Variants in EHBP1 observed in about 807,000 individuals in gnomAD.
The protein encoded by EHBP1 is EH domain binding protein 1.
A neutral mutation model predicts 144.0 loss-of-function variants in EHBP1; 55 were observed. That is an observed-to-expected ratio of 0.38 (90% CI 0.31 to 0.48). The LOEUF (loss-of-function observed/expected upper bound fraction) is 0.48. EHBP1 is among the 20% of genes least tolerant of loss of function. The pLI is 0.98. For synonymous variants in EHBP1, 469 were observed against 472.7 expected, an observed-to-expected ratio of 0.99 and a Z score of 0.10; for missense variants, 1,200 against 1,364.2, an observed-to-expected ratio of 0.88 and a Z score of 1.90.
At chr2:62,674,106 C>T (rs1415237177) in intron 1 of EHBP1, 2 of 471,066 alleles carry the variant, frequency 4.2e-6, no homozygotes, top group Non-Finnish European at 8.8e-6. Flanking sequence ...AGGCCACAAG[C>T]ATCCTCCTAA....
chr2:62,852,507 A>G lies in EHBP1; in HGVS notation c.635-6662A>G, dbSNP rs183737156. 3.4e-3 allele frequency among the ~76,000 whole-genome samples: 517 copies of G among 152,162 alleles called. 1 individual carries two copies. The highest frequency in any genetic ancestry group is 5.6e-3 in the Non-Finnish European group (377 of 67,918). On this transcript the variant is annotated intron_variant, in intron 7 of 22. Coordinates refer to ENST00000431489, the MANE Select transcript of EHBP1 (RefSeq NM_001142616.3). ...TAAATAATACTAATATACATGATAAAATGTGAATAATAATTCTTTTTTGAT... is the reference window on the plus strand; with the variant it reads ...TAAATAATACTAATATACATGATAAGATGTGAATAATAATTCTTTTTTGAT...
intron 10 of EHBP1, among the ~76,000 whole-genome samples, chr2:62,908,927 A>G (rs1169880850): frequency 6.6e-6 from 1 of 152,202 alleles, no homozygotes; most frequent in Non-Finnish European, 1.5e-5. Context: ...GCCTAGAACC[A>G]GTGGTTGGCA....
intron 13 of EHBP1, among the ~76,000 whole-genome samples, chr2:62,950,975 G>A (rs1053056346): frequency 3.9e-5 from 6 of 152,138 alleles, no homozygotes; most frequent in Non-Finnish European, 7.4e-5. Context: ...GTGAGCCACC[G>A]CGCCCGGCCC....
chr2:62,812,583 C>T (rs996611029), intron 5 of EHBP1, among the ~76,000 whole-genome samples: 7 of 152,054 alleles, frequency 4.6e-5, no homozygotes, highest in African/African-American at 1.7e-4. Context: ...CTGAGGAGGT[C>T]TCAGAGGGAA....
chr2:63,011,490 G>A (rs1469335815), intron 19 of EHBP1, among the ~76,000 whole-genome samples: 1 of 151,842 alleles, frequency 6.6e-6, no homozygotes, highest in South Asian at 2.1e-4. Context: ...CAAGTGTAAT[G>A]TGCTTTAAAG....
rs751276972 is a variant in EHBP1, at chr2:62,948,805, A to C, written c.1959A>C (p.Arg653Ser). The C allele has an allele frequency of 6.2e-7, 1 of 1,614,156 alleles. No individual in the cohort carries two copies. Among genetic ancestry groups the C allele is most frequent in the Admixed American group, 1.7e-5 (1 of 60,024 alleles). ...TQAQVLLGKKRLLKAETLELS... is the reference protein window; with the variant it reads ...TQAQVLLGKKSLLKAETLELS... ...CACAGGTTTTGTTAGGCAAAAAGAG[A>C]CTATTGAAAGCTGAGACTTTAGAAT... Residue 653 changes from arginine (R) to serine (S), a missense_variant, in exon 13 of 23, where the codon AGA becomes AGC. Arg to Ser is a moderately radical substitution (Grantham distance 110). Around this residue, in one of 6 missense-constraint regions of EHBP1, gnomAD observed 543 missense variants for 513.1 expected, o/e 1.06. Transcript: ENST00000431489.
intron 9 of EHBP1, among the ~76,000 whole-genome samples, chr2:62,871,821 C>G (rs887361476): frequency 3.3e-5 from 5 of 152,118 alleles, no homozygotes; most frequent in African/African-American, 1.2e-4. Flanking sequence ...TAGGACGTGT[C>G]CTTTACACTT....
At chr2:62,916,622 TAAA>T (rs1010439737) in intron 10 of EHBP1, among the ~76,000 whole-genome samples, 2 of 151,116 alleles carry the variant, frequency 1.3e-5, no homozygotes, top group Non-Finnish European at 3.0e-5. Context: ...AATGACAAGT[TAAA>T]AAGTGATAGG....
intron 1 of EHBP1, among the ~76,000 whole-genome samples, chr2:62,682,799 C>A (rs956273786): frequency 2.0e-5 from 3 of 152,156 alleles, no homozygotes; most frequent in Non-Finnish European, 4.4e-5. Context: ...TATCAACCAA[C>A]TGTAAATTCT....
Position 62,948,714 on chromosome 2 carries a change from A to G in EHBP1, c.1868A>G (p.Gln623Arg), listed in dbSNP as rs771434354. The G allele has an allele frequency of 2.6e-5, 42 of 1,614,000 alleles. No homozygotes were observed. The highest frequency in any genetic ancestry group is 8.5e-7 in the Non-Finnish European group (1 of 1,180,004). ...KSDTEPQKSQQSSGRTSGSDD... is the reference protein window; with the variant it reads ...KSDTEPQKSQRSSGRTSGSDD... ...GACACAGAACCCCAGAAGTCTCAGC[A>G]GAGCTCTGGAAGGACTTCAGGATCT... Residue 623 changes from glutamine to arginine, a missense_variant, in exon 13 of 23, where the codon CAG becomes CGG. By Grantham distance (43) the Gln-to-Arg change is conservative. This residue lies in a region of EHBP1 where 543 missense variants were observed against 513.1 expected (regional missense o/e 1.06). Coordinates refer to ENST00000431489, the MANE Select transcript of EHBP1 (RefSeq NM_001142616.3).
intron 3 of EHBP1, among the ~76,000 whole-genome samples, chr2:62,755,566 A>C (rs1347757880): frequency 6.6e-6 from 1 of 152,200 alleles, no homozygotes; most frequent in African/African-American, 2.4e-5. Flanking sequence ...ACTTGTAAGA[A>C]ATTGCCACGC....
intron 8 of EHBP1, among the ~76,000 whole-genome samples, chr2:62,862,414 G>T (rs2049643989): frequency 6.6e-6 from 1 of 152,126 alleles, no homozygotes; most frequent in Non-Finnish European, 1.5e-5. Context: ...TTCAAGACCA[G>T]CCTGGCCAAC....
At chr2:62,705,256 A>T (rs565405990), upstream of EHBP1, among the ~76,000 whole-genome samples, 1 of 151,954 alleles carries the variant, frequency 6.6e-6, no homozygotes, top group African/African-American at 2.4e-5. Flanking sequence ...TGAGAACAGG[A>T]GAGAAACCCA....
chr2:62,849,242 A>C (rs985122970), intron 7 of EHBP1, among the ~76,000 whole-genome samples: 1 of 151,988 alleles, frequency 6.6e-6, no homozygotes, highest in African/African-American at 2.4e-5. Context: ...TAAAAAGTTC[A>C]TGTGCCCTGA....
At chr2:62,900,656 T>A (rs1573970012) in intron 10 of EHBP1, among the ~76,000 whole-genome samples, 1 of 145,448 alleles carries the variant, frequency 6.9e-6, no homozygotes, top group Non-Finnish European at 1.5e-5. Flanking sequence ...GGAAGTGTTT[T>A]TTGTTTTTTG....
chr2:62,676,285 T>A (rs967473398), intron 1 of EHBP1, among the ~76,000 whole-genome samples: 1 of 152,260 alleles, frequency 6.6e-6, no homozygotes, highest in Non-Finnish European at 1.5e-5. Context: ...CCTTAATGAC[T>A]AGTAAGATAT....
At position 62,948,849 on chromosome 2, in the gene EHBP1, G is replaced by A; in HGVS notation, c.2003G>A (p.Ser668Asn). 1 of 1,614,090 alleles carries A rather than the reference G, an allele frequency of 6.2e-7. No homozygotes were observed. Among genetic ancestry groups the A allele is most frequent in the Non-Finnish European group, 8.5e-7 (1 of 1,179,984 alleles). Residue 668 changes from serine (S) to asparagine (N), a missense_variant, in exon 13 of 23, where the codon AGT (serine) becomes AAT (asparagine). By Grantham distance (46) the Ser-to-Asn change is conservative. Coordinates refer to ENST00000431489, the MANE Select transcript of EHBP1 (RefSeq NM_001142616.3). The stretch of plus-strand genomic sequence containing the variant: ...TTAGAATTGAGTGACTTATATGTTA[G>A]TGATAAGAAGAAGGATATGTCTCCA... ...ETLELSDLYV[S>N]DKKKDMSPPF...
At chr2:62,960,349 G>A (rs145596541) in intron 14 of EHBP1, among the ~76,000 whole-genome samples, 57 of 152,046 alleles carry the variant, frequency 3.7e-4, no homozygotes, top group Admixed American at 2.1e-3. Flanking sequence ...TCATTCTTGT[G>A]TCAAGCATTT....
chr2:62,875,623 A>G (rs1238323897), intron 10 of EHBP1, among the ~76,000 whole-genome samples: 2 of 152,204 alleles, frequency 1.3e-5, no homozygotes, highest in Non-Finnish European at 2.9e-5. Flanking sequence ...CTCCCCAGCA[A>G]TGATACTTAA....
Sources: allele counts gnomAD v4.1 joint callset (sites outside exome capture counted in the v4.1 genomes callset), GRCh38; gene constraint gnomAD v4.1.1; regional missense constraint gnomAD v4.1.1; transcripts MANE v1.5; gene names NCBI Gene and HGNC (gene_info 2026-07-23, HGNC 2026-07-21).